ZNF236: variants seen among roughly 807,000 people sequenced by gnomAD.
ZNF236 encodes the protein zinc finger protein 236, also known as regulated by glucose.
ZNF236 carries 50 observed loss-of-function variants against 191.2 expected under a neutral mutation model. That is an observed-to-expected ratio of 0.26 (90% CI 0.21 to 0.33). The LOEUF is 0.33. Among genes scored for constraint, ZNF236 ranks in the 10% least tolerant of loss-of-function variants. ZNF236 has a pLI of 1.00. For missense variants in ZNF236, 1,754 were observed against 2,374.5 expected, an observed-to-expected ratio of 0.74 and a Z score of 5.43; for synonymous variants, 907 against 928.8, an observed-to-expected ratio of 0.98 and a Z score of 0.43.
chr18:76,906,385 A>T (rs913929162), intron 13 of ZNF236, among the ~76,000 whole-genome samples: 1 of 152,094 alleles, frequency 6.6e-6, no homozygotes, highest in African/African-American at 2.4e-5. Context: ...TTGTGGAGGG[A>T]ATCCTGTGCA....
chr18:76,824,284 G>C (rs1004241123), intron 1 of ZNF236: 1 of 780,188 alleles, frequency 1.3e-6, no homozygotes, highest in African/African-American at 1.7e-5. Flanking sequence ...ATTGCACTTG[G>C]TAGAGTTAAC....
At chr18:76,847,098 A>G (rs1443916696) in intron 1 of ZNF236, among the ~76,000 whole-genome samples, 1 of 152,008 alleles carries the variant, frequency 6.6e-6, no homozygotes, top group Non-Finnish European at 1.5e-5. Context: ...CGGCCTCGAC[A>G]TCATTTTTCA....
intron 30 of ZNF236, among the ~76,000 whole-genome samples, chr18:76,962,421 T>A (rs1233611877): frequency 6.6e-6 from 1 of 152,260 alleles, no homozygotes; most frequent in East Asian, 1.9e-4. Flanking sequence ...TCTGTATGCC[T>A]ATTTTTATAC....
chr18:76,932,265 G>A (rs953884447), intron 25 of ZNF236, among the ~76,000 whole-genome samples: 1 of 152,164 alleles, frequency 6.6e-6, no homozygotes, highest in Non-Finnish European at 1.5e-5. Flanking sequence ...GGAGTGTGGT[G>A]GCTTTTCTCC....
Position 76,864,242 on chromosome 18 carries a change from G to A in ZNF236, c.364-4443G>A, listed in dbSNP as rs138067476. Among the ~76,000 whole-genome samples the A allele has an allele frequency of 2.9e-3, 433 of 146,858 alleles. 1 individual carries two copies. The highest frequency in any genetic ancestry group is 0.018 in the Middle Eastern group (5 of 282). Reference sequence around the variant, plus strand: ...TAAGACAGAGTCTCACTTTGTTGCCGAGGCTGGAGTGCAGTGGCACTGTGT... The same window carrying A: ...TAAGACAGAGTCTCACTTTGTTGCCAAGGCTGGAGTGCAGTGGCACTGTGT... On this transcript the variant is annotated intron_variant, in intron 3 of 30. Transcript: ENST00000320610.
rs889625924 is a variant in ZNF236 at position 76,972,658 on chromosome 18, T to C, written c.*4319T>C. ...ACGTATTCTATCAATATTTGTATCATAATTGACAAATTCTCAAGTGACATA... is the reference window on the plus strand; with the variant it reads ...ACGTATTCTATCAATATTTGTATCACAATTGACAAATTCTCAAGTGACATA... On this transcript the variant is annotated 3_prime_UTR_variant, in exon 31 of 31. Transcript: ENST00000320610. Among the ~76,000 whole-genome samples, 1 of 152,250 alleles carries C rather than the reference T, an allele frequency of 6.6e-6. No individual in the cohort carries two copies. The highest frequency in any genetic ancestry group is 2.4e-5 in the African/African-American group (1 of 41,464).
chr18:76,902,673 G>A (rs1287886169), intron 11 of ZNF236, among the ~76,000 whole-genome samples: 3 of 152,282 alleles, frequency 2.0e-5, no homozygotes, highest in East Asian at 1.9e-4. Flanking sequence ...CCGGGTTCAA[G>A]CGATTCTCCT....
chr18:76,838,808 C>G (rs1353605397), intron 1 of ZNF236, among the ~76,000 whole-genome samples: 1 of 152,168 alleles, frequency 6.6e-6, no homozygotes, highest in Non-Finnish European at 1.5e-5. Flanking sequence ...AGAGAACTCA[C>G]TTATGTAGTC....
At chr18:76,847,748 C>T (rs185215963) in intron 1 of ZNF236, among the ~76,000 whole-genome samples, 254 of 152,258 alleles carry the variant, frequency 1.7e-3, no homozygotes, top group South Asian at 0.011. Context: ...AGTGCTGGGA[C>T]TACAGGCGTG....
In ZNF236 at chr18:76,825,713, T is replaced by G. The variant is rs539420036; in HGVS notation, c.55+3051T>G. 1.0e-4 allele frequency among the ~76,000 whole-genome samples: 16 copies of G among 152,386 alleles called. 1 individual carries two copies. Among genetic ancestry groups the G allele is most frequent in the African/African-American group, 3.6e-4 (15 of 41,598 alleles). On this transcript the variant is annotated intron_variant, in intron 1 of 30. Transcript: ENST00000320610. ...TTAAAAATTGCTTAGTTTTAATTTC[T>G]AATAGGACAAACATCAATAGATATA...
At chr18:76,824,352 C>T in intron 1 of ZNF236, 1 of 781,094 alleles carries the variant, frequency 1.3e-6, no homozygotes, top group Non-Finnish European at 2.4e-6. Flanking sequence ...AGCTTTCGCA[C>T]ACCTCATGGG....
intron 30 of ZNF236, among the ~76,000 whole-genome samples, chr18:76,961,478 T>C (rs1027430886): frequency 2.0e-5 from 3 of 152,156 alleles, no homozygotes; most frequent in African/African-American, 7.2e-5. Flanking sequence ...GGTTCCCTGT[T>C]TTTGCAGTTG....
rs1312050554 is a variant in ZNF236 at position 76,865,139 on chromosome 18, C to T, written c.364-3546C>T. ...ATCACCTGAGGTCAGGAGTTCAAGA[C>T]CAGCCTGGCCAACATGGTGAAGCCC... is the stretch of plus-strand genomic sequence containing the variant. On this transcript the variant is annotated intron_variant, in intron 3 of 30. Coordinates refer to ENST00000320610, the MANE Select transcript of ZNF236 (RefSeq NM_001306089.2). Among the ~76,000 whole-genome samples the T allele has an allele frequency of 3.9e-5, 6 of 152,302 alleles. No individual in the cohort carries two copies. In the South Asian group the frequency reaches 8.3e-4, roughly 21 times the overall value.
chr18:76,916,024 C>T (rs1367377181), intron 19 of ZNF236, among the ~76,000 whole-genome samples, 165 bp downstream of exon 19: 1 of 152,182 alleles, frequency 6.6e-6, no homozygotes. Context: ...GCCATACATG[C>T]TCTTGGAAGA....
Position 76,915,806 on chromosome 18 carries a change from G to C in ZNF236, c.3221G>C (p.Arg1074Thr), listed in dbSNP as rs1967345753. ...GTGCATTGTAAAAAGCACATGAAGA[G>C]ACACCAAACAGTCCCCTCTGCTGTG... ...TTVHCKKHMK[R>T]HQTVPSAVSA... Residue 1074 changes from arginine (R) to threonine (T), a missense_variant, in exon 19 of 31, where the codon AGA becomes ACA. This residue lies in a region of ZNF236 where 641 missense variants were observed against 869.6 expected (regional missense o/e 0.74). Transcript: ENST00000320610. 1 of 1,614,092 alleles carries C rather than the reference G, an allele frequency of 6.2e-7. No homozygotes were observed. The highest frequency in any genetic ancestry group is 8.5e-7 in the Non-Finnish European group (1 of 1,180,050).
chr18:76,933,662 TTCTTAAATACAGGC>T (rs1460105341), intron 25 of ZNF236, among the ~76,000 whole-genome samples: 1 of 152,240 alleles, frequency 6.6e-6, no homozygotes, highest in African/African-American at 2.4e-5. Context: ...ATATCGGCTA[TTCTTAAATACAGGC>T]TTAGTTTTAT....
chr18:76,894,922 G>A (rs1053791376), intron 9 of ZNF236, 91 bp from the exon 10 acceptor site: 51 of 1,524,768 alleles, frequency 3.3e-5, no homozygotes, highest in Non-Finnish European at 4.3e-5. Flanking sequence ...CTGATCATGC[G>A]TGCAGCTTTC....
intron 3 of ZNF236, among the ~76,000 whole-genome samples, chr18:76,866,590 G>A (rs560051594): frequency 1.3e-5 from 2 of 152,306 alleles, no homozygotes; most frequent in South Asian, 4.1e-4. Flanking sequence ...CGTATCTTCA[G>A]CAAGGTGGAG....
chr18:76,843,602 C>G (rs759995529), intron 1 of ZNF236, among the ~76,000 whole-genome samples: 1 of 148,028 alleles, frequency 6.8e-6, no homozygotes, highest in Non-Finnish European at 1.5e-5. Flanking sequence ...ACAGTGAAAC[C>G]CCGTCTCTAC....
Sources: allele counts gnomAD v4.1 joint callset (sites outside exome capture counted in the v4.1 genomes callset), GRCh38; gene constraint gnomAD v4.1.1; regional missense constraint gnomAD v4.1.1; transcripts MANE v1.5; gene names NCBI Gene and HGNC (gene_info 2026-07-23, HGNC 2026-07-21).